Variants in WDR41 observed in about 807,000 individuals in gnomAD.
The protein encoded by WDR41 is WD repeat-containing protein 41.
In WDR41, 63 loss-of-function variants were observed where a neutral mutation model predicts 69.3. The observed-to-expected ratio is 0.91, with a 90% CI of 0.74 to 1.12. The LOEUF (loss-of-function observed/expected upper bound fraction) is 1.12, where lower values mean the gene tolerates loss of function less well. Among genes scored for constraint, WDR41 ranks in the 50% most tolerant of loss-of-function variants. The pLI, the probability that WDR41 is intolerant of heterozygous loss-of-function variation, is 0.00. For synonymous variants in WDR41, 185 were observed against 192.1 expected (o/e 0.96, Z 0.31); for missense variants, 543 against 534.5 (o/e 1.02, Z -0.16).
rs1743198325 is a variant in WDR41 at position 77,546,334 on chromosome 5, G to C, written c.43-56762C>G. 2.8e-5 allele frequency: 7 copies of C among 246,128 alleles called. No homozygotes were observed. In the South Asian group the frequency reaches 1.2e-3, roughly 42 times the overall value. 15.2% of individuals were successfully genotyped at this position (246,128 alleles called of 1,614,324 possible). A position where few individuals can be genotyped will look rare whatever the true frequency, so the allele number is the denominator to read the frequency against. ...AAAAAGATAAATCAAACAAAAAGCT[G>C]GTTCTTTGAAATGATAAATAAAATC... On this transcript the variant is annotated intron_variant, in intron 1 of 5. Transcript: ENST00000509971.
intron 1 of WDR41, among the ~76,000 whole-genome samples, chr5:77,594,294 T>C (rs986541700): frequency 4.7e-5 from 7 of 149,288 alleles, no homozygotes; most frequent in South Asian, 4.4e-4. Context: ...AGGGATAGCA[T>C]TAGGAGATAT....
At chr5:77,496,984 C>T (rs1561206611), upstream of WDR41, among the ~76,000 whole-genome samples, 1 of 152,076 alleles carries the variant, frequency 6.6e-6, no homozygotes, top group Non-Finnish European at 1.5e-5. Flanking sequence ...GTACTAAGAC[C>T]ATCCAATGGG....
intron 2 of WDR41, among the ~76,000 whole-genome samples, chr5:77,475,944 T>C (rs961131468): frequency 2.0e-5 from 3 of 152,080 alleles, no homozygotes; most frequent in Middle Eastern, 6.8e-3. Flanking sequence ...GAAGAATGTA[T>C]AACTAGAATA....
intron 1 of WDR41, among the ~76,000 whole-genome samples, chr5:77,515,230 T>C (rs1451040795): frequency 2.0e-5 from 3 of 152,172 alleles, no homozygotes; most frequent in South Asian, 2.1e-4. Context: ...TGAGCCTTTT[T>C]CTATTTTTAG....
intron 1 of WDR41, among the ~76,000 whole-genome samples, chr5:77,507,444 T>C (rs1463899684): frequency 1.3e-5 from 2 of 152,226 alleles, no homozygotes; most frequent in Non-Finnish European, 2.9e-5. Context: ...CTTATACTTG[T>C]TGTCTCGTGT....
intron 1 of WDR41, among the ~76,000 whole-genome samples, chr5:77,509,148 C>T (rs970072413): frequency 1.3e-5 from 2 of 152,156 alleles, no homozygotes; most frequent in Non-Finnish European, 2.9e-5. Flanking sequence ...TATAATCTTT[C>T]AATCAACCAG....
chr5:77,434,672 G>A (rs1798870636), intron 12 of WDR41, among the ~76,000 whole-genome samples: 1 of 152,056 alleles, frequency 6.6e-6, no homozygotes, highest in Non-Finnish European at 1.5e-5. Flanking sequence ...ACTCCAGCCT[G>A]GGCAACAGAG....
chr5:77,517,372 G>T (rs1053908626), intron 1 of WDR41, among the ~76,000 whole-genome samples: 2 of 151,934 alleles, frequency 1.3e-5, no homozygotes, highest in African/African-American at 4.8e-5. Context: ...GTGACTAGCT[G>T]ATGGAAAAAC....
chr5:77,553,631 GAAC>G (rs1743338168), intron 1 of WDR41, among the ~76,000 whole-genome samples: 1 of 151,862 alleles, frequency 6.6e-6, no homozygotes, highest in South Asian at 2.1e-4. Context: ...TCTATTAAAT[GAAC>G]AAAAGACATA....
chr5:77,569,320 T>G (rs952392196), intron 1 of WDR41, among the ~76,000 whole-genome samples: 1 of 152,164 alleles, frequency 6.6e-6, no homozygotes, highest in Non-Finnish European at 1.5e-5. Flanking sequence ...GGGCTTTACA[T>G]AGTTTAAAGA....
chr5:77,473,419 G>A (rs573111305), intron 2 of WDR41, among the ~76,000 whole-genome samples: 5 of 152,264 alleles, frequency 3.3e-5, no homozygotes, highest in African/African-American at 1.2e-4. Context: ...AAAAGCAATG[G>A]CTACAAAAGC....
intron 1 of WDR41, among the ~76,000 whole-genome samples, chr5:77,609,252 G>A (rs1490443642): frequency 1.3e-5 from 2 of 152,210 alleles, no homozygotes; most frequent in Admixed American, 1.3e-4. Flanking sequence ...AAAGACAGCA[G>A]TAACCTCTGC....
chr5:77,457,120 T>C (rs964260623), intron 5 of WDR41, among the ~76,000 whole-genome samples: 8 of 152,192 alleles, frequency 5.3e-5, no homozygotes, highest in African/African-American at 1.7e-4. Flanking sequence ...TGAAAGGGTG[T>C]TGGAGTTTGT....
chr5:77,600,929 A>ATGTGTGTGTGTGTGTGTGTGTG, intron 1 of WDR41, among the ~76,000 whole-genome samples: 1 of 144,084 alleles, frequency 6.9e-6, no homozygotes, highest in Non-Finnish European at 1.5e-5. Flanking sequence ...CTCTGTGTGT[A>ATGTGTGTGTGTGTGTGTGTGTG]TGTGTGTGTG....
intron 1 of WDR41, among the ~76,000 whole-genome samples, chr5:77,534,701 T>C (rs1279892399): frequency 8.1e-6 from 1 of 123,146 alleles, no homozygotes; most frequent in East Asian, 2.3e-4. Flanking sequence ...CCCAAAGTGC[T>C]GTGATTACAG....
intron 2 of WDR41, among the ~76,000 whole-genome samples, chr5:77,483,725 C>T (rs965316398): frequency 5.3e-5 from 8 of 152,110 alleles, no homozygotes; most frequent in Non-Finnish European, 1.2e-4. Context: ...AATTTCTTCT[C>T]GTCAATTATT....
intron 8 of WDR41, 44 bp downstream of exon 8, chr5:77,449,716 A>G (rs780541100): frequency 2.4e-5 from 33 of 1,382,428 alleles, no homozygotes; most frequent in Non-Finnish European, 3.2e-5. Context: ...GGTTGTGTTA[A>G]CAAGCACAAA....
intron 1 of WDR41, among the ~76,000 whole-genome samples, chr5:77,506,067 C>G (rs1403726895): frequency 6.6e-6 from 1 of 152,090 alleles, no homozygotes; most frequent in Non-Finnish European, 1.5e-5. Flanking sequence ...AGCTTCTGCA[C>G]GGCAAAAGAA....
intron 8 of WDR41, among the ~76,000 whole-genome samples, chr5:77,445,605 C>G (rs540912465): frequency 2.6e-5 from 4 of 152,322 alleles, no homozygotes; most frequent in African/African-American, 9.6e-5. Context: ...CCCTGGGATG[C>G]AAGGCTGATT....
Sources: gnomAD v4.1 joint callset for allele counts (sites outside exome capture counted in the v4.1 genomes callset) on GRCh38, gnomAD v4.1.1 for gene constraint, MANE v1.5 for transcripts, NCBI Gene and HGNC (gene_info 2026-07-23, HGNC 2026-07-21) for gene names.